The following GRIK4 variants were observed in gnomAD, a reference collection of about 807,000 sequenced individuals.
GRIK4 encodes the protein glutamate receptor ionotropic, kainate 4.
Under a neutral mutation model 104.9 loss-of-function variants are expected in GRIK4, and 40 were observed. The ratio of observed to expected loss-of-function variants is 0.38; its 90% CI spans 0.30 to 0.50. GRIK4 has a LOEUF of 0.50. Ranked by LOEUF, GRIK4 falls within the 20% of genes least tolerant of loss-of-function variation. The pLI, the probability that GRIK4 is intolerant of heterozygous loss-of-function variation, is 0.93. For synonymous variants in GRIK4, 485 were observed against 524.9 expected (o/e 0.92, Z 1.04); for missense variants, 1,047 against 1,308.1 (o/e 0.80, Z 3.08).
chr11:120,957,082 C>A, intron 16 of GRIK4, 129 bp downstream of exon 16: 1 of 760,960 alleles, frequency 1.3e-6, no homozygotes, highest in Non-Finnish European at 2.0e-6. Context: ...CGCAGGAAGC[C>A]GAGTGCTTTC....
intron 20 of GRIK4, among the ~76,000 whole-genome samples, chr11:120,984,507 G>A (rs182701103): frequency 3.3e-5 from 5 of 152,002 alleles, no homozygotes; most frequent in African/African-American, 7.2e-5. Flanking sequence ...AGTGGCTCAC[G>A]CCTGTAATCC....
At chr11:120,886,999 GTCAAGGAACTCA>G (rs1955136315) in intron 11 of GRIK4, among the ~76,000 whole-genome samples, 1 of 152,202 alleles carries the variant, frequency 6.6e-6, no homozygotes, top group African/African-American at 2.4e-5. Context: ...TGCCTCCAGT[GTCAAGGAACTCA>G]TCACCTACAG....
At chr11:120,735,585 G>T (rs536532570) in intron 3 of GRIK4, among the ~76,000 whole-genome samples, 1 of 152,180 alleles carries the variant, frequency 6.6e-6, no homozygotes, top group South Asian at 2.1e-4. Context: ...TCTACAATCA[G>T]CAGGTAGCAA....
intron 3 of GRIK4, among the ~76,000 whole-genome samples, chr11:120,679,074 A>G (rs888079323): frequency 2.6e-5 from 4 of 152,190 alleles, no homozygotes; most frequent in African/African-American, 9.6e-5. Flanking sequence ...TTCTGGAGCT[A>G]GAAATATCTA....
chr11:120,895,454 C>A (rs1942552091), intron 11 of GRIK4, among the ~76,000 whole-genome samples: 1 of 152,098 alleles, frequency 6.6e-6, no homozygotes, highest in African/African-American at 2.4e-5. Context: ...GAAACTGAGC[C>A]TCTTTGAGGA....
At chr11:120,926,592 C>T (rs368280813) in intron 13 of GRIK4, among the ~76,000 whole-genome samples, 2 of 152,282 alleles carry the variant, frequency 1.3e-5, no homozygotes, top group East Asian at 1.9e-4. Flanking sequence ...AGAGGGTGTA[C>T]CCTTGGTCAA....
intron 3 of GRIK4, among the ~76,000 whole-genome samples, chr11:120,732,596 T>G (rs1229830726): frequency 6.6e-6 from 1 of 152,248 alleles, no homozygotes; most frequent in African/African-American, 2.4e-5. Context: ...AAATAAATTT[T>G]TTCATCATTC....
chr11:120,602,424 G>T (rs1948899930), intron 1 of GRIK4, among the ~76,000 whole-genome samples: 1 of 152,104 alleles, frequency 6.6e-6, no homozygotes, highest in Admixed American at 6.5e-5. Context: ...AGCCATATGA[G>T]GACCCACCTG....
chr11:120,870,899 A>G (rs1446479312), intron 9 of GRIK4: 1 of 152,196 alleles, frequency 6.6e-6, no homozygotes, highest in African/African-American at 2.4e-5. Flanking sequence ...GGCGCACACA[A>G]CCACACCCAG....
At chr11:120,787,863 T>C (rs1228203562) in intron 3 of GRIK4, among the ~76,000 whole-genome samples, 13 of 114,508 alleles carry the variant, frequency 1.1e-4, no homozygotes, top group African/African-American at 3.6e-4. Flanking sequence ...TTTTTTTTTT[T>C]TTTTTTTTTT....
intron 3 of GRIK4, among the ~76,000 whole-genome samples, chr11:120,675,239 G>A (rs1218428402): frequency 6.6e-6 from 1 of 152,198 alleles, no homozygotes; most frequent in Non-Finnish European, 1.5e-5. Context: ...GTGGCCCCTG[G>A]GAGGGTCCCA....
At chr11:120,721,328 A>G (rs1358420602) in intron 3 of GRIK4, among the ~76,000 whole-genome samples, 15 of 152,316 alleles carry the variant, frequency 9.8e-5, no homozygotes, top group African/African-American at 3.6e-4. Flanking sequence ...TTGAGAGTGC[A>G]GTTTCAAGAG....
chr11:120,583,917 G>C (rs1948622208), intron 1 of GRIK4, among the ~76,000 whole-genome samples: 1 of 152,094 alleles, frequency 6.6e-6, no homozygotes, highest in Non-Finnish European at 1.5e-5. Flanking sequence ...TCTTGTTGTA[G>C]GGATCTTTCA....
intron 4 of GRIK4, among the ~76,000 whole-genome samples, chr11:120,813,347 C>T (rs1459133339): frequency 6.6e-6 from 1 of 152,078 alleles, no homozygotes; most frequent in Admixed American, 6.5e-5. Context: ...TCCCCCAAGG[C>T]AGTTGTAGGG....
At chr11:120,955,203 G>A (rs534698973) in intron 15 of GRIK4, among the ~76,000 whole-genome samples, 2 of 152,282 alleles carry the variant, frequency 1.3e-5, no homozygotes, top group South Asian at 4.1e-4. Context: ...TTGAAGTTCT[G>A]CAGATCCCAC....
At chr11:120,941,016 G>A (rs1943710878) in intron 14 of GRIK4, among the ~76,000 whole-genome samples, 1 of 152,206 alleles carries the variant, frequency 6.6e-6, no homozygotes, top group Admixed American at 6.5e-5. Context: ...CAGTGAGTTT[G>A]TGAGAACACA....
intron 1 of GRIK4, among the ~76,000 whole-genome samples, chr11:120,610,872 G>A (rs1312404641): frequency 6.6e-6 from 1 of 152,194 alleles, no homozygotes; most frequent in African/African-American, 2.4e-5. Context: ...CTGGGTGCAA[G>A]CAAAACATGT....
intron 3 of GRIK4, among the ~76,000 whole-genome samples, chr11:120,787,893 T>G (rs1952319478): frequency 7.9e-6 from 1 of 127,366 alleles, no homozygotes; most frequent in South Asian, 2.7e-4. Flanking sequence ...AGATGGAGTC[T>G]CACTCTGTTG....
chr11:120,778,339 C>T (rs1037044399), intron 3 of GRIK4, among the ~76,000 whole-genome samples: 1 of 152,258 alleles, frequency 6.6e-6, no homozygotes, highest in African/African-American at 2.4e-5. Flanking sequence ...AGGACGCTGA[C>T]TGGGGGAGAA....
Sources: allele counts gnomAD v4.1 joint callset (sites outside exome capture counted in the v4.1 genomes callset), GRCh38; gene constraint gnomAD v4.1.1; transcripts MANE v1.5; gene names NCBI Gene and HGNC (gene_info 2026-07-23, HGNC 2026-07-21).